The following SNTA1 variants were observed in gnomAD, a reference collection of about 807,000 sequenced individuals.
SNTA1 encodes the protein syntrophin alpha 1.
SNTA1 carries 31 observed loss-of-function variants against 47.1 expected under a neutral mutation model. The observed-to-expected ratio is 0.66, with a 90% CI of 0.49 to 0.89. SNTA1 has a LOEUF of 0.89. Ranked by LOEUF, SNTA1 falls within the 40% of genes least tolerant of loss-of-function variation. The pLI is 0.00. For synonymous variants in SNTA1, 300 were observed against 313.6 expected (o/e 0.96, Z 0.46); for missense variants, 575 against 693.0 (o/e 0.83, Z 1.91).
At chr20:33,414,245 C>CAAAAAAAAAAAAAAAAAAAAA (rs56186098) in intron 3 of SNTA1, among the ~76,000 whole-genome samples, 6 of 29,264 alleles carry the variant, frequency 2.1e-4, no homozygotes, top group Non-Finnish European at 3.8e-4. Flanking sequence ...TCTCAAAAAC[C>CAAAAAAAAAAAAAAAAAAAAA]AAAAAAAAAA....
At chr20:33,419,693 C>T (rs1011582832) in intron 2 of SNTA1, among the ~76,000 whole-genome samples, 8 of 152,170 alleles carry the variant, frequency 5.3e-5, no homozygotes, top group Non-Finnish European at 1.2e-4. Context: ...TAAGAGAACC[C>T]TGAGCCCTAG....
intron 2 of SNTA1, among the ~76,000 whole-genome samples, chr20:33,431,275 T>G (rs1386621068): frequency 6.6e-6 from 1 of 152,122 alleles, no homozygotes; most frequent in Admixed American, 6.6e-5. Flanking sequence ...AAAATTTTTG[T>G]TTTTGATTAA....
In SNTA1 at chr20:33,443,355, G is replaced by T. The variant is rs1484777920; in HGVS notation, c.266C>A (p.Thr89Lys). ...CCCACCGGCGTCGGCCTTGCGCACC[G>T]TCACGCGGCGCCGCTGGAGCAGTAG... ...EALLLQRRRV[T>K]VRKADAGGLG... Residue 89 changes from threonine to lysine, a missense_variant, in exon 1 of 8, where the codon ACG becomes AAG. Thr to Lys is a moderately conservative substitution (Grantham distance 78). Coordinates refer to ENST00000217381, the MANE Select transcript of SNTA1 (RefSeq NM_003098.3). 4 of 1,468,592 alleles carry T rather than the reference G, an allele frequency of 2.7e-6. No individual in the cohort carries two copies. Among genetic ancestry groups the T allele is most frequent in the Non-Finnish European group, 3.6e-6 (4 of 1,114,200 alleles). 91.0% of individuals were successfully genotyped at this position (1,468,592 alleles called of 1,614,324 possible). A position where few individuals can be genotyped will look rare whatever the true frequency, so the allele number is the denominator to read the frequency against.
In SNTA1 at chr20:33,443,378, T is replaced by C. The variant is rs1295900764; in HGVS notation, c.243A>G (p.Leu81=). The C allele has an allele frequency of 9.1e-6, 13 of 1,428,828 alleles. No individual in the cohort carries two copies. Among genetic ancestry groups the C allele is most frequent in the African/African-American group, 4.5e-5 (3 of 67,308 alleles). The allele number at this position is 1,428,828 out of a possible 1,614,324, so 88.5% of individuals were successfully genotyped here. A position where few individuals can be genotyped will look rare whatever the true frequency, so the allele number is the denominator to read the frequency against. ...GAGPPQLPEA[L]LLQRRRVTVR... ...CCGTCACGCGGCGCCGCTGGAGCAG[T>C]AGCGCCTCTGGCAGCTGCGGGGGCC... The change falls in exon 1 of 8, where the codon CTA becomes CTG. Residue 81 remains leucine, a synonymous_variant. Transcript: ENST00000217381.
At chr20:33,429,588 C>T (rs1406465212) in intron 2 of SNTA1, among the ~76,000 whole-genome samples, 1 of 152,094 alleles carries the variant, frequency 6.6e-6, no homozygotes, top group East Asian at 1.9e-4. Flanking sequence ...CGAGATCATG[C>T]CATTGCACTC....
intron 2 of SNTA1, among the ~76,000 whole-genome samples, chr20:33,437,359 T>G (rs1182387462): frequency 3.0e-5 from 4 of 132,932 alleles, no homozygotes; most frequent in Admixed American, 8.0e-5. Context: ...CCCCGGGGGG[T>G]GGAGGGTGCA....
chr20:33,443,458 C>A lies in SNTA1; in HGVS notation c.163G>T (p.Ala55Ser). The change falls in exon 1 of 8, where the codon GCT becomes TCT. Residue 55 changes from alanine to serine, a missense_variant. Ala to Ser is a moderately conservative substitution (Grantham distance 99, BLOSUM62 1). Transcript: ENST00000217381. ...TGCGCGGGCTCCTGCTCCCGCGGAG[C>A]GCCGGGCTCGGGACCAGGGTCGCCG... ...ADGDPGPEPG[A>S]PREQEPAQLN... is the part of the protein sequence containing the mutation. The A allele has an allele frequency of 1.5e-6, 2 of 1,367,748 alleles. No individual in the cohort carries two copies. Among genetic ancestry groups the A allele is most frequent in the South Asian group, 1.7e-5 (1 of 60,188 alleles). The allele number at this position is 1,367,748 out of a possible 1,614,324, so 84.7% of individuals were successfully genotyped here.
Position 33,408,180 on chromosome 20 carries a change from C to T in SNTA1, c.*327G>A. 1 of 396,332 alleles carries T rather than the reference C, an allele frequency of 2.5e-6. No homozygotes were observed. Among genetic ancestry groups the T allele is most frequent in the Non-Finnish European group, 4.8e-6 (1 of 207,934 alleles). The allele number at this position is 396,332 out of a possible 1,614,324, so 24.6% of individuals were successfully genotyped here. A position where few individuals can be genotyped will look rare whatever the true frequency, so the allele number is the denominator to read the frequency against. On this transcript the variant is annotated 3_prime_UTR_variant, in exon 8 of 8. Coordinates refer to ENST00000217381, the MANE Select transcript of SNTA1 (RefSeq NM_003098.3). ...TAGGGGCCTCGAGGAGGCCCGGCAGCTCAGCTGTTGGCTGGGGTCAGGATC... is the reference window on the plus strand; with the variant it reads ...TAGGGGCCTCGAGGAGGCCCGGCAGTTCAGCTGTTGGCTGGGGTCAGGATC...
chr20:33,412,650 C>G lies in SNTA1; in HGVS notation c.834G>C (p.Glu278Asp), dbSNP rs746587763. The change falls in exon 4 of 8, where the codon GAG (glutamate) becomes GAC (aspartate). Residue 278 changes from glutamate to aspartate, a missense_variant. Physicochemically the swap from Glu to Asp is conservative, Grantham distance 45. Transcript: ENST00000217381. ...VNTLTPRVKDELQALLAATST... is the reference protein window; with the variant it reads ...VNTLTPRVKDDLQALLAATST... ...TGGTGGCTGCCAACAGTGCCTGCAG[C>G]TCATCCTTGACCCGCGGCGTCAGAG... is the stretch of plus-strand genomic sequence containing the variant. The G allele has an allele frequency of 3.7e-6, 6 of 1,613,882 alleles. No homozygotes were observed. Among genetic ancestry groups the G allele is most frequent in the South Asian group, 1.1e-5 (1 of 91,088 alleles).
chr20:33,437,259 T>C (rs905543375), intron 2 of SNTA1, among the ~76,000 whole-genome samples: 2 of 150,102 alleles, frequency 1.3e-5, no homozygotes, highest in Non-Finnish European at 3.0e-5. Flanking sequence ...TGAGACTCCA[T>C]CTCAGAAAAA....
Position 33,443,565 on chromosome 20 carries a change from G to C in SNTA1, c.56C>G (p.Ala19Gly). The change falls in exon 1 of 8, where the codon GCG (alanine) becomes GGG (glycine). Residue 19 changes from alanine (A) to glycine (G), a missense_variant. Transcript: ENST00000217381. ...RTGLLELRAG[A>G]GSGAGGERWQ... ...TCGCTCGCCGCCGGCCCCCGAGCCC[G>C]CCCCGGCGCGCAGCTCCAGCAGCCC... is the stretch of plus-strand genomic sequence containing the variant. 7.6e-7 allele frequency: 1 copy of C among 1,322,390 alleles called. No individual in the cohort carries two copies. The allele number at this position is 1,322,390 out of a possible 1,614,324, so 81.9% of individuals were successfully genotyped here. A position where few individuals can be genotyped will look rare whatever the true frequency, so the allele number is the denominator to read the frequency against.
At chr20:33,436,384 T>C (rs1233193642) in intron 2 of SNTA1, among the ~76,000 whole-genome samples, 1 of 152,182 alleles carries the variant, frequency 6.6e-6, no homozygotes, top group East Asian at 1.9e-4. Flanking sequence ...TCAAACCGCA[T>C]TGCTGACTAT....
In SNTA1 at chr20:33,412,545, A is replaced by G. The variant is rs291694; in HGVS notation, c.909+30T>C. 1,103,490 of 1,607,306 alleles carry G rather than the reference A, an allele frequency of 0.69. 379,709 individuals carry two copies. Among genetic ancestry groups the G allele is most frequent in the Admixed American group, 0.79 (47,098 of 59,840 alleles). On this transcript the variant is annotated intron_variant, in intron 4 of 7. Coordinates refer to ENST00000217381, the MANE Select transcript of SNTA1 (RefSeq NM_003098.3). ...CCAGCTCCAAAGGAGCGGAAGAGAG[A>G]GAGGGATAGGTCCCAGGCCCAGCAG...
Position 33,417,607 on chromosome 20 carries a change from T to C in SNTA1, c.701+112A>G, listed in dbSNP as rs545928410. Reference sequence around the variant, plus strand: ...CAATCTATTTTTTAAGCACCTACTATGTCCTGGCATTGTGCTGGTCATTCG... The same window carrying C: ...CAATCTATTTTTTAAGCACCTACTACGTCCTGGCATTGTGCTGGTCATTCG... On this transcript the variant is annotated intron_variant, in intron 3 of 7. Coordinates refer to ENST00000217381, the MANE Select transcript of SNTA1 (RefSeq NM_003098.3). 2.3e-4 allele frequency: 179 copies of C among 780,790 alleles called. 1 individual carries two copies. The African/African-American group carries it at 2.9e-3, about 13-fold the overall frequency. 48.4% of individuals were successfully genotyped at this position (780,790 alleles called of 1,614,324 possible).
At chr20:33,432,136 G>A (rs1293743802) in intron 2 of SNTA1, among the ~76,000 whole-genome samples, 1 of 152,184 alleles carries the variant, frequency 6.6e-6, no homozygotes, top group African/African-American at 2.4e-5. Flanking sequence ...CCTGGGACAG[G>A]GGTCCCTCCA....
intron 1 of SNTA1, among the ~76,000 whole-genome samples, chr20:33,439,602 C>T (rs1990530901): frequency 6.6e-6 from 1 of 152,250 alleles, no homozygotes; most frequent in African/African-American, 2.4e-5. Context: ...GTGCAACTTA[C>T]AAAGTGCTTC....
chr20:33,421,904 C>A (rs1990032618), intron 2 of SNTA1, among the ~76,000 whole-genome samples: 1 of 143,936 alleles, frequency 6.9e-6, no homozygotes, highest in South Asian at 2.2e-4. Flanking sequence ...TTGCAGTAAG[C>A]CAAGATTATG....
chr20:33,423,479 C>A (rs1356668597), intron 2 of SNTA1, among the ~76,000 whole-genome samples: 1 of 152,210 alleles, frequency 6.6e-6, no homozygotes, highest in African/African-American at 2.4e-5. Context: ...CCCCACCCTC[C>A]CCAGCCAAGC....
chr20:33,440,966 C>T (rs751855653), intron 1 of SNTA1, among the ~76,000 whole-genome samples: 9 of 152,202 alleles, frequency 5.9e-5, no homozygotes, highest in Non-Finnish European at 1.0e-4. Flanking sequence ...GAAACCAAAG[C>T]CTTAGAGTCT....
Sources: gnomAD v4.1 joint callset for allele counts (sites outside exome capture counted in the v4.1 genomes callset) on GRCh38, gnomAD v4.1.1 for gene constraint, MANE v1.5 for transcripts, NCBI Gene and HGNC (gene_info 2026-07-23, HGNC 2026-07-21) for gene names.